KCMF1: variants seen among roughly 807,000 people sequenced by gnomAD.
KCMF1 encodes potassium channel modulatory factor 1.
Under a neutral mutation model 41.1 loss-of-function variants are expected in KCMF1, and 3 were observed. The ratio of observed to expected loss-of-function variants is 0.07; its 90% CI spans 0.03 to 0.19. The LOEUF is 0.19. Ranked by LOEUF, KCMF1 falls within the 10% of genes least tolerant of loss-of-function variation. KCMF1 has a pLI of 1.00. For missense variants in KCMF1, 286 were observed against 488.9 expected (o/e 0.58, Z 3.91); for synonymous variants, 142 against 164.5 (o/e 0.86, Z 1.04).
At chr2:85,026,492 A>ATTATTATTATTATTATTTTTT (rs146823537) in intron 1 of KCMF1, among the ~76,000 whole-genome samples, 5 of 143,140 alleles carry the variant, frequency 3.5e-5, no homozygotes, top group African/African-American at 1.3e-4. Flanking sequence ...TATTATTATT[A>ATTATTATTATTATTATTTTTT]TTATTTTTAT....
chr2:85,042,593 C>T (rs1314200827), intron 3 of KCMF1, among the ~76,000 whole-genome samples: 1 of 152,224 alleles, frequency 6.6e-6, no homozygotes, highest in East Asian at 1.9e-4. Context: ...GAACTGTGCA[C>T]TTCCTGGGGC....
At chr2:85,039,240 T>G (rs1291793481) in intron 3 of KCMF1, among the ~76,000 whole-genome samples, 1 of 152,236 alleles carries the variant, frequency 6.6e-6, no homozygotes, top group East Asian at 1.9e-4. Flanking sequence ...TACCTGGATT[T>G]CATAGCATAG....
chr2:85,022,954 C>T lies in KCMF1; in HGVS notation c.17-4935C>T, dbSNP rs979111645. Among the ~76,000 whole-genome samples the T allele has an allele frequency of 1.1e-4, 15 of 132,582 alleles. No individual in the cohort carries two copies. The East Asian group carries it at 2.1e-3, about 18-fold the overall frequency. The allele number at this position is 132,582 out of a possible 152,430, so 87.0% of individuals were successfully genotyped here. On this transcript the variant is annotated intron_variant, in intron 1 of 6. Transcript: ENST00000409785. The stretch of plus-strand genomic sequence containing the variant: ...CCCAGGCTAGAGTGCGGTGGCTGAT[C>T]TCAGCTCACTGCAAGCTCCGCCTCC...
At chr2:84,998,862 T>A (rs372831523) in intron 1 of KCMF1, among the ~76,000 whole-genome samples, 1 of 151,646 alleles carries the variant, frequency 6.6e-6, no homozygotes. Flanking sequence ...TCCACCCAAC[T>A]CGGACTCCCA....
intron 1 of KCMF1, among the ~76,000 whole-genome samples, chr2:84,987,233 G>A (rs925480717): frequency 1.3e-5 from 2 of 152,244 alleles, no homozygotes; most frequent in African/African-American, 4.8e-5. Context: ...GTGGGACAGA[G>A]GAAGGAGTAG....
chr2:84,997,280 T>C (rs1674198726), intron 1 of KCMF1, among the ~76,000 whole-genome samples: 1 of 152,180 alleles, frequency 6.6e-6, no homozygotes, highest in Non-Finnish European at 1.5e-5. Context: ...ACCTTTTTAA[T>C]TATAGGATTT....
chr2:85,028,092 A>G, intron 2 of KCMF1, 36 bp downstream of exon 2: 1 of 1,388,948 alleles, frequency 7.2e-7, no homozygotes, highest in Middle Eastern at 1.9e-4. Flanking sequence ...TACATCATTT[A>G]GAATTTTATG....
At chr2:85,026,906 A>T (rs1282102842) in intron 1 of KCMF1, among the ~76,000 whole-genome samples, 1 of 152,072 alleles carries the variant, frequency 6.6e-6, no homozygotes, top group Non-Finnish European at 1.5e-5. Flanking sequence ...TGTGTATTTT[A>T]TGGTTTAAAT....
intron 1 of KCMF1, among the ~76,000 whole-genome samples, chr2:84,982,488 A>C (rs1673790284): frequency 8.2e-6 from 1 of 121,620 alleles, no homozygotes; most frequent in African/African-American, 3.2e-5. Context: ...TGCAACCTCC[A>C]CCTCCTGGGT....
chr2:85,024,577 AGAGAGAGTGT>A (rs1388967824), intron 1 of KCMF1, among the ~76,000 whole-genome samples: 9 of 143,512 alleles, frequency 6.3e-5, no homozygotes, highest in South Asian at 2.3e-4. Flanking sequence ...AGAGAGAGAG[AGAGAGAGTGT>A]GTGTGTGTGT....
chr2:84,990,490 A>G (rs1181122552), intron 1 of KCMF1, among the ~76,000 whole-genome samples: 1 of 152,100 alleles, frequency 6.6e-6, no homozygotes, highest in Non-Finnish European at 1.5e-5. Context: ...TTGGAAGGTG[A>G]TAAATATTCT....
intron 1 of KCMF1, among the ~76,000 whole-genome samples, chr2:85,020,514 A>G (rs1313321629): frequency 6.6e-6 from 1 of 151,998 alleles, no homozygotes; most frequent in Non-Finnish European, 1.5e-5. Flanking sequence ...CTGCAGTCTC[A>G]ACCTCCTAGA....
chr2:85,000,185 GCA>G (rs766507526), intron 1 of KCMF1, among the ~76,000 whole-genome samples: 4 of 152,078 alleles, frequency 2.6e-5, no homozygotes, highest in Non-Finnish European at 5.9e-5. Flanking sequence ...GAGTGCAGTG[GCA>G]CAGTCTCGGC....
chr2:84,974,267 C>T (rs1020964490), intron 1 of KCMF1, among the ~76,000 whole-genome samples: 5 of 152,140 alleles, frequency 3.3e-5, no homozygotes, highest in African/African-American at 1.2e-4. Flanking sequence ...ACAAGCCTAT[C>T]ATGTTGTACT....
chr2:84,971,400 G>A lies in KCMF1; in HGVS notation c.-52G>A. On this transcript the variant is annotated 5_prime_UTR_variant, in exon 1 of 7. Coordinates refer to ENST00000409785, the MANE Select transcript of KCMF1 (RefSeq NM_020122.5). ...CGGGCAGCGCCGGGACCCCGCGGGG[G>A]ACACTGCAGCCGGAGCCCGGGAGGG... 2.6e-6 allele frequency: 3 copies of A among 1,151,790 alleles called. No homozygotes were observed. The highest frequency in any genetic ancestry group is 3.2e-6 in the Non-Finnish European group (3 of 927,840). The allele number at this position is 1,151,790 out of a possible 1,614,324, so 71.3% of individuals were successfully genotyped here.
In KCMF1 at chr2:85,054,668, A is replaced by C. The variant is rs1675887086; in HGVS notation, c.*1259A>C. On this transcript the variant is annotated 3_prime_UTR_variant, in exon 7 of 7. Coordinates refer to ENST00000409785, the MANE Select transcript of KCMF1 (RefSeq NM_020122.5). ...TTCACAATAGCTCCAAGGCAGGGAC[A>C]GCGGGTTTGGGGGTTGGGAGGGCAG... The C allele has an allele frequency of 6.6e-6, 1 of 152,124 alleles. No individual in the cohort carries two copies. Among genetic ancestry groups the C allele is most frequent in the Non-Finnish European group, 1.5e-5 (1 of 68,034 alleles). The allele number at this position is 152,124 out of a possible 1,614,324, so 9.4% of individuals were successfully genotyped here.
At chr2:84,982,407 T>C (rs1574004707) in intron 1 of KCMF1, among the ~76,000 whole-genome samples, 2 of 113,870 alleles carry the variant, frequency 1.8e-5, no homozygotes, top group East Asian at 4.4e-4. Context: ...TTTTTTTTTT[T>C]TTTTTTTTTT....
chr2:85,025,166 A>G (rs1675061080), intron 1 of KCMF1, among the ~76,000 whole-genome samples: 1 of 152,160 alleles, frequency 6.6e-6, no homozygotes, highest in Non-Finnish European at 1.5e-5. Context: ...ATTGTATTGA[A>G]TCCACAAATC....
At chr2:84,994,116 T>A (rs1395376215) in intron 1 of KCMF1, among the ~76,000 whole-genome samples, 1 of 151,686 alleles carries the variant, frequency 6.6e-6, no homozygotes, top group East Asian at 1.9e-4. Context: ...CCCGGCTAAT[T>A]TTTTTGTATC....
Sources: gnomAD v4.1 joint callset for allele counts (sites outside exome capture counted in the v4.1 genomes callset) on GRCh38, gnomAD v4.1.1 for gene constraint, MANE v1.5 for transcripts, NCBI Gene and HGNC (gene_info 2026-07-23, HGNC 2026-07-21) for gene names.